CDH26: variants seen among roughly 807,000 people sequenced by gnomAD.
CDH26 encodes the protein cadherin 26, also known as cadherin-like protein 26.
In CDH26, 83 loss-of-function variants were observed where a neutral mutation model predicts 90.3. The observed-to-expected ratio is 0.92, with a 90% CI of 0.77 to 1.10. The LOEUF is 1.10. CDH26 is among the 50% of genes least tolerant of loss of function. The pLI, the probability that CDH26 is intolerant of heterozygous loss-of-function variation, is 0.00. For missense variants in CDH26, 1,013 were observed against 1,037.6 expected, an observed-to-expected ratio of 0.98 and a Z score of 0.33; for synonymous variants, 397 against 396.3, an observed-to-expected ratio of 1.00 and a Z score of -0.02.
intron 13 of CDH26, among the ~76,000 whole-genome samples, chr20:59,997,216 C>T (rs1325700940): frequency 6.6e-6 from 1 of 152,240 alleles, no homozygotes; most frequent in Non-Finnish European, 1.5e-5. Context: ...GTGTTAGGCT[C>T]ACTAGTTAAA....
intron 8 of CDH26, chr20:60,033,451 T>C: frequency 1.2e-5 from 15 of 1,296,188 alleles, no homozygotes; most frequent in Non-Finnish European, 1.5e-5. Flanking sequence ...CTACGTTATT[T>C]AATTCTCACT....
In CDH26 at chr20:59,968,136, C is replaced by G. The variant is rs1448008173; in HGVS notation, c.70-831C>G. ...CTTCTCAGATGGAGTCTTGCTCTGTCGCCCAGGCTGGAGTGCAGTGGTGCA... is the reference window on the plus strand; with the variant it reads ...CTTCTCAGATGGAGTCTTGCTCTGTGGCCCAGGCTGGAGTGCAGTGGTGCA... On this transcript the variant is annotated intron_variant, in intron 1 of 17. Coordinates refer to ENST00000348616, the MANE Select transcript of CDH26 (RefSeq NM_177980.4). Among the ~76,000 whole-genome samples, 4 of 149,636 alleles carry G rather than the reference C, an allele frequency of 2.7e-5. No individual in the cohort carries two copies. In the East Asian group the frequency reaches 7.9e-4, roughly 29 times the overall value.
rs558174586 is a variant in CDH26, at chr20:59,994,249, G to A, written c.1427-1G>A. 3 of 1,613,504 alleles carry A rather than the reference G, an allele frequency of 1.9e-6. No homozygotes were observed. Among genetic ancestry groups the A allele is most frequent in the South Asian group, 1.1e-5 (1 of 91,018 alleles). Reference sequence around the variant, plus strand: ...CTCCTGAAACTTCCTCCCCATACAAGGCTTCCCACCGCAGACTGCTACAGG... The same window carrying A: ...CTCCTGAAACTTCCTCCCCATACAAAGCTTCCCACCGCAGACTGCTACAGG... On this transcript the variant is annotated splice_acceptor_variant, in intron 10 of 17. Transcript: ENST00000348616. LOFTEE classifies it high-confidence loss of function.
intron 11 of CDH26, among the ~76,000 whole-genome samples, chr20:59,994,691 A>G (rs569612027): frequency 6.6e-6 from 1 of 152,174 alleles, no homozygotes; most frequent in Non-Finnish European, 1.5e-5. Context: ...CTTCTTTTTT[A>G]GGAAACTCTC....
chr20:59,999,745 T>C (rs2061650712), intron 14 of CDH26, 82 bp downstream of exon 14: 1 of 1,289,512 alleles, frequency 7.8e-7, no homozygotes, highest in Non-Finnish European at 1.1e-6. Flanking sequence ...CCTGGGATGC[T>C]CCTCCCAGTG....
intron 16 of CDH26, among the ~76,000 whole-genome samples, chr20:60,003,654 T>C (rs1248289091): frequency 1.3e-5 from 2 of 152,186 alleles, no homozygotes; most frequent in African/African-American, 4.8e-5. Context: ...TGTGGGAGAC[T>C]AAAAAAGATG....
intron 15 of CDH26, among the ~76,000 whole-genome samples, chr20:60,002,422 G>C (rs369311593): frequency 6.6e-6 from 1 of 151,858 alleles, no homozygotes; most frequent in Non-Finnish European, 1.5e-5. Flanking sequence ...ATATTCTACT[G>C]TCACCATCTT....
In CDH26 at chr20:59,985,034, A is replaced by G. The variant is rs1338580011; in HGVS notation, c.742A>G (p.Arg248Gly). Residue 248 changes from arginine to glycine, a missense_variant, in exon 7 of 18, where the codon AGG (arginine) becomes GGG (glycine). Physicochemically the swap from Arg to Gly is moderately radical, Grantham distance 125 (BLOSUM62 -2). Coordinates refer to ENST00000348616, the MANE Select transcript of CDH26 (RefSeq NM_177980.4). ...TCAGTTTACACTGCTAATCAGAGCC[A>G]GGGACTGTGGAGAACCGTCACTGTC... ...APQFTLLIRA[R>G]DCGEPSLSST... The G allele has an allele frequency of 1.9e-6, 3 of 1,614,142 alleles. No individual in the cohort carries two copies. Among genetic ancestry groups the G allele is most frequent in the Non-Finnish European group, 2.5e-6 (3 of 1,180,008 alleles).
intron 14 of CDH26, 117 bp from the exon 15 acceptor site, chr20:60,001,226 G>A: frequency 8.1e-7 from 1 of 1,228,076 alleles, no homozygotes. Flanking sequence ...GTGTTAATTT[G>A]TGTTTGCCTA....
chr20:59,959,906 G>T (rs1456658011), intron 1 of CDH26, among the ~76,000 whole-genome samples: 2 of 152,226 alleles, frequency 1.3e-5, no homozygotes, highest in African/African-American at 2.4e-5. Flanking sequence ...AGAGTGGACA[G>T]AGGTAATGTT....
rs772182907 is a variant in CDH26 at position 60,008,499 on chromosome 20, C to A, written c.2295+1712C>A. Among the ~76,000 whole-genome samples the A allele has an allele frequency of 5.3e-5, 8 of 152,292 alleles. No individual in the cohort carries two copies. The South Asian group carries it at 6.2e-4, about 12-fold the overall frequency. On this transcript the variant is annotated intron_variant, in intron 17 of 17. Coordinates refer to ENST00000348616, the MANE Select transcript of CDH26 (RefSeq NM_177980.4). Reference sequence around the variant, plus strand: ...CAATCCCCAGTACCAACTCTGTGGACCCTGCTGTAGTGGGTCTGGGGTGCG... The same window carrying A: ...CAATCCCCAGTACCAACTCTGTGGAACCTGCTGTAGTGGGTCTGGGGTGCG...
chr20:59,975,479 TAA>T (rs2061317016), intron 4 of CDH26, among the ~76,000 whole-genome samples: 1 of 152,118 alleles, frequency 6.6e-6, no homozygotes, highest in African/African-American at 2.4e-5. Context: ...TGTGAGAGAA[TAA>T]GTTCCTAGTG....
chr20:60,016,006 C>T (rs2061902473), downstream of CDH26, among the ~76,000 whole-genome samples: 1 of 152,132 alleles, frequency 6.6e-6, no homozygotes, highest in Admixed American at 6.5e-5. Context: ...TAGTACCATG[C>T]TGTTTCAGTT....
chr20:59,961,820 C>T (rs2145965524), intron 1 of CDH26, among the ~76,000 whole-genome samples: 1 of 152,222 alleles, frequency 6.6e-6, no homozygotes, highest in South Asian at 2.1e-4. Flanking sequence ...CATTTCCAGG[C>T]CTCTGAGCTC....
chr20:59,989,102 G>C lies in CDH26; in HGVS notation c.1222G>C (p.Gly408Arg). The change falls in exon 9 of 18, where the codon GGC (glycine) becomes CGC (arginine). Residue 408 changes from glycine to arginine, a missense_variant. Coordinates refer to ENST00000348616, the MANE Select transcript of CDH26 (RefSeq NM_177980.4). The stretch of plus-strand genomic sequence containing the variant: ...GAGCTTCATTGTCAATAAAGAGGAG[G>C]GCGCCAGGCCTGGGACCCTGTTGGG... ...PQSFIVNKEE[G>R]ARPGTLLGTF... The C allele has an allele frequency of 6.2e-7, 1 of 1,614,196 alleles. No individual in the cohort carries two copies. The highest frequency in any genetic ancestry group is 8.5e-7 in the Non-Finnish European group (1 of 1,180,050).
intron 4 of CDH26, among the ~76,000 whole-genome samples, chr20:59,972,731 T>C (rs1037902455): frequency 1.3e-5 from 2 of 152,210 alleles, no homozygotes; most frequent in African/African-American, 4.8e-5. Context: ...CTATTTTGAC[T>C]TCAGTGGAAT....
chr20:59,965,706 A>T (rs2061140022), intron 1 of CDH26, among the ~76,000 whole-genome samples: 1 of 152,198 alleles, frequency 6.6e-6, no homozygotes, highest in Non-Finnish European at 1.5e-5. Context: ...CCTGGAACAG[A>T]TAATTGTGGA....
intron 4 of CDH26, among the ~76,000 whole-genome samples, chr20:59,978,013 T>C (rs1313771166): frequency 6.6e-6 from 1 of 152,232 alleles, no homozygotes; most frequent in African/African-American, 2.4e-5. Flanking sequence ...GTTGGAATCA[T>C]ACACTATGTA....
intron 1 of CDH26, among the ~76,000 whole-genome samples, chr20:59,962,634 C>T (rs1254334515): frequency 6.6e-6 from 1 of 152,192 alleles, no homozygotes; most frequent in Admixed American, 6.5e-5. Flanking sequence ...AGGTCCCGTT[C>T]ACAGGTACTG....
Sources: allele counts gnomAD v4.1 joint callset (sites outside exome capture counted in the v4.1 genomes callset), GRCh38; gene constraint gnomAD v4.1.1; transcripts MANE v1.5; gene names NCBI Gene and HGNC (gene_info 2026-07-23, HGNC 2026-07-21).